Variants in SMPD3 observed in about 807,000 individuals in gnomAD.
The protein encoded by SMPD3 is nSMase-2.
In SMPD3, 21 loss-of-function variants were observed where a neutral mutation model predicts 55.7. That is an observed-to-expected ratio of 0.38 (90% CI 0.27 to 0.54). SMPD3 has a LOEUF of 0.54. Among genes scored for constraint, SMPD3 ranks in the 20% least tolerant of loss-of-function variants. SMPD3 has a pLI of 0.80. For missense variants in SMPD3, 842 were observed against 899.6 expected (o/e 0.94, Z 0.82); for synonymous variants, 457 against 404.3 (o/e 1.13, Z -1.56).
intron 1 of SMPD3, among the ~76,000 whole-genome samples, chr16:68,397,138 C>T (rs555250936): frequency 1.3e-5 from 2 of 152,316 alleles, no homozygotes; most frequent in East Asian, 1.9e-4. Flanking sequence ...GACTTATCTG[C>T]AGCCCCATCC....
Position 68,396,720 on chromosome 16 carries a change from A to G in SMPD3, c.-268-10061T>C, listed in dbSNP as rs559434058. Among the ~76,000 whole-genome samples the G allele has an allele frequency of 3.6e-4, 55 of 152,288 alleles. 2 individuals are homozygous for G. The South Asian group carries it at 0.011, about 29-fold the overall frequency. ...CCAGAAGGTTCGATTCCCTTTGTAC[A>G]CACCAGGGGGCACAGCAGGAGCTGT... On this transcript the variant is annotated intron_variant, in intron 1 of 8. Coordinates refer to ENST00000219334, the MANE Select transcript of SMPD3 (RefSeq NM_018667.4).
chr16:68,414,481 G>A (rs538265440), intron 1 of SMPD3, among the ~76,000 whole-genome samples: 2 of 152,334 alleles, frequency 1.3e-5, no homozygotes, highest in African/African-American at 4.8e-5. Context: ...GATAGAGGAG[G>A]GGGTTTGGGA....
intron 1 of SMPD3, among the ~76,000 whole-genome samples, chr16:68,440,142 A>T (rs535721933): frequency 6.6e-6 from 1 of 152,338 alleles, no homozygotes; most frequent in Non-Finnish European, 1.5e-5. Context: ...ATGGGGAATG[A>T]CGCAGTAGAG....
intron 1 of SMPD3, among the ~76,000 whole-genome samples, chr16:68,405,806 C>T (rs941478968): frequency 6.6e-6 from 1 of 152,148 alleles, no homozygotes; most frequent in African/African-American, 2.4e-5. Context: ...GTGAAGCCCC[C>T]TCCTCACTGG....
intron 2 of SMPD3, among the ~76,000 whole-genome samples, chr16:68,384,283 T>C (rs1260055613): frequency 1.3e-5 from 2 of 152,178 alleles, no homozygotes; most frequent in Non-Finnish European, 2.9e-5. Flanking sequence ...GAACTCAGGG[T>C]TCAAGATTCA....
chr16:68,376,497 G>A (rs538501334), intron 2 of SMPD3, among the ~76,000 whole-genome samples: 1 of 152,244 alleles, frequency 6.6e-6, no homozygotes, highest in African/African-American at 2.4e-5. Context: ...CTTGAGGGCT[G>A]AGTTTTTGCA....
intron 7 of SMPD3, among the ~76,000 whole-genome samples, chr16:68,361,996 G>T (rs982435082): frequency 6.6e-6 from 1 of 152,190 alleles, no homozygotes; most frequent in Non-Finnish European, 1.5e-5. Flanking sequence ...TGTTCTGTCC[G>T]CCCCAGCCTG....
chr16:68,427,758 G>GT (rs200752768), intron 1 of SMPD3, among the ~76,000 whole-genome samples: 1 of 151,812 alleles, frequency 6.6e-6, no homozygotes, highest in Admixed American at 6.6e-5. Context: ...TGACTGGGGG[G>GT]GGGTGCTGAT....
chr16:68,370,671 A>G (rs2089634467), intron 3 of SMPD3, among the ~76,000 whole-genome samples, 188 bp downstream of exon 3: 1 of 152,032 alleles, frequency 6.6e-6, no homozygotes, highest in African/African-American at 2.4e-5. Flanking sequence ...TCATCCCTGC[A>G]TTGGTCTTGA....
chr16:68,431,314 A>G (rs997993984), intron 1 of SMPD3, among the ~76,000 whole-genome samples: 9 of 152,224 alleles, frequency 5.9e-5, no homozygotes, highest in Admixed American at 5.9e-4. Flanking sequence ...TAATGATAAG[A>G]CAATAAGGTT....
At position 68,419,169 on chromosome 16, in the gene SMPD3, C is replaced by A. The variant is rs74024650; in HGVS notation, c.-269+29184G>T. ...GAGGGGTAAGGGATGCTGGACCATA[C>A]CCTCTAAGGCTGGTTTAGGAGGGTC... On this transcript the variant is annotated intron_variant, in intron 1 of 8. Coordinates refer to ENST00000219334, the MANE Select transcript of SMPD3 (RefSeq NM_018667.4). 2.1e-3 allele frequency among the ~76,000 whole-genome samples: 318 copies of A among 152,258 alleles called. 1 individual carries two copies. The highest frequency in any genetic ancestry group is 7.1e-3 in the African/African-American group (295 of 41,542).
intron 1 of SMPD3, among the ~76,000 whole-genome samples, chr16:68,416,392 C>T (rs1292687908): frequency 3.3e-5 from 5 of 152,192 alleles, no homozygotes; most frequent in Non-Finnish European, 5.9e-5. Flanking sequence ...TTCTACTTCC[C>T]GTCCCACTCT....
intron 2 of SMPD3, among the ~76,000 whole-genome samples, chr16:68,379,733 A>G (rs1055058026): frequency 1.3e-5 from 2 of 152,234 alleles, no homozygotes; most frequent in African/African-American, 4.8e-5. Context: ...TACAATTTTC[A>G]AAAAGAAACT....
chr16:68,386,092 T>C (rs1384769007), intron 2 of SMPD3, among the ~76,000 whole-genome samples: 1 of 151,860 alleles, frequency 6.6e-6, no homozygotes, highest in Non-Finnish European at 1.5e-5. Context: ...CGTGGTGGTG[T>C]GTACTTGTAG....
chr16:68,389,149 G>A (rs530822914), intron 1 of SMPD3, among the ~76,000 whole-genome samples: 6 of 152,338 alleles, frequency 3.9e-5, no homozygotes, highest in African/African-American at 1.2e-4. Context: ...TGCCTGGGCC[G>A]AGTCAGGCCT....
chr16:68,371,247 C>T lies in SMPD3; in HGVS notation c.935G>A (p.Ser312Asn), dbSNP rs761183032. The change falls in exon 3 of 9, where the codon AGT (serine) becomes AAT (asparagine). Residue 312 changes from serine (S) to asparagine (N), a missense_variant. Physicochemically the swap from Ser to Asn is conservative, Grantham distance 46. Around this residue, in one of 2 missense-constraint regions of SMPD3, gnomAD observed 649 missense variants for 643.6 expected, o/e 1.01. Transcript: ENST00000219334. ...GTTGGCACCTGGCTCCCCGCTGGCA[C>T]TGGTGTCTGGCCCAGCTCGCCCCTT... ...LVKGRAGPDT[S>N]ASGEPGANSK... The T allele has an allele frequency of 3.1e-6, 5 of 1,606,558 alleles. No individual in the cohort carries two copies. The South Asian group carries it at 4.4e-5, about 14-fold the overall frequency.
intron 7 of SMPD3, 70 bp from the exon 8 acceptor site, chr16:68,361,829 G>A (rs1472222254): frequency 6.4e-7 from 1 of 1,554,046 alleles, no homozygotes; most frequent in South Asian, 1.1e-5. Flanking sequence ...GGCTGTGTGT[G>A]GAGCCATGGT....
At chr16:68,394,258 A>C (rs2090136626) in intron 1 of SMPD3, among the ~76,000 whole-genome samples, 6 of 151,992 alleles carry the variant, frequency 3.9e-5, no homozygotes, top group Admixed American at 3.9e-4. Context: ...CATTTTCCAA[A>C]TCAGTTATTT....
chr16:68,386,720 GC>G (rs1339716540), intron 1 of SMPD3, 61 bp from the exon 2 acceptor site: 3 of 152,374 alleles, frequency 2.0e-5, no homozygotes, highest in African/African-American at 7.2e-5. Flanking sequence ...TCACCTGACA[GC>G]CACCGAGCAG....
Sources: allele counts gnomAD v4.1 joint callset (sites outside exome capture counted in the v4.1 genomes callset), GRCh38; gene constraint gnomAD v4.1.1; regional missense constraint gnomAD v4.1.1; transcripts MANE v1.5; gene names NCBI Gene and HGNC (gene_info 2026-07-23, HGNC 2026-07-21).